BCAT1: variants seen among roughly 807,000 people sequenced by gnomAD.
BCAT1 encodes branched chain amino acid transaminase 1.
BCAT1 carries 48 observed loss-of-function variants against 52.4 expected under a neutral mutation model. The observed-to-expected ratio is 0.92, with a 90% CI of 0.73 to 1.16. The LOEUF is 1.16. Ranked by LOEUF, BCAT1 falls within the 50% of genes most tolerant of loss-of-function variation. The pLI is 0.00. For synonymous variants in BCAT1, 167 were observed against 161.3 expected, an observed-to-expected ratio of 1.04 and a Z score of -0.27; for missense variants, 451 against 457.1, an observed-to-expected ratio of 0.99 and a Z score of 0.12.
At chr12:24,920,174 C>T (rs2139719758) in intron 1 of BCAT1, among the ~76,000 whole-genome samples, 1 of 152,220 alleles carries the variant, frequency 6.6e-6, no homozygotes, top group East Asian at 1.9e-4. Context: ...ATTTCAGCAT[C>T]CAGGAAGATC....
chr12:24,826,923 T>C (rs1940425563), intron 10 of BCAT1, among the ~76,000 whole-genome samples: 1 of 152,218 alleles, frequency 6.6e-6, no homozygotes, highest in Non-Finnish European at 1.5e-5. Flanking sequence ...GCTTTCTTGA[T>C]TTCTTTTTCA....
intron 1 of BCAT1, among the ~76,000 whole-genome samples, chr12:24,947,933 C>A (rs1943958093): frequency 6.6e-6 from 1 of 152,200 alleles, no homozygotes; most frequent in Non-Finnish European, 1.5e-5. Flanking sequence ...CACTCGGTTA[C>A]TGTTTAATTG....
intron 1 of BCAT1, among the ~76,000 whole-genome samples, chr12:24,932,672 T>TGC (rs1565504312): frequency 6.6e-6 from 1 of 152,252 alleles, no homozygotes; most frequent in Non-Finnish European, 1.5e-5. Flanking sequence ...TGTCTCCTTC[T>TGC]ATCGCACAGG....
chr12:24,848,573 G>A (rs1236128315), intron 6 of BCAT1, among the ~76,000 whole-genome samples: 2 of 152,090 alleles, frequency 1.3e-5, no homozygotes, highest in African/African-American at 4.8e-5. Context: ...TTTAAACAGG[G>A]AAACTTTTTC....
chr12:24,825,721 G>A (rs1940367148), intron 10 of BCAT1, among the ~76,000 whole-genome samples: 1 of 151,912 alleles, frequency 6.6e-6, no homozygotes, highest in African/African-American at 2.4e-5. Flanking sequence ...TTCCTATACA[G>A]TTGTTTGAGC....
chr12:24,933,009 A>G (rs1281853764), intron 1 of BCAT1, among the ~76,000 whole-genome samples: 1 of 145,804 alleles, frequency 6.9e-6, no homozygotes, highest in Non-Finnish European at 1.5e-5. Flanking sequence ...ACGGGGATTC[A>G]CCATATTGGC....
At chr12:24,920,852 G>C (rs575380387) in intron 1 of BCAT1, among the ~76,000 whole-genome samples, 23 of 152,294 alleles carry the variant, frequency 1.5e-4, no homozygotes, top group South Asian at 1.0e-3. Context: ...TTGCTAGCGT[G>C]GTTCACAGAA....
At chr12:24,826,472 T>G (rs1940403919) in intron 10 of BCAT1, among the ~76,000 whole-genome samples, 1 of 152,204 alleles carries the variant, frequency 6.6e-6, no homozygotes, top group Non-Finnish European at 1.5e-5. Context: ...ATCTGGGTTC[T>G]CTATTCTGTC....
At chr12:24,936,420 A>T (rs538935724) in intron 1 of BCAT1, among the ~76,000 whole-genome samples, 6 of 152,266 alleles carry the variant, frequency 3.9e-5, no homozygotes, top group African/African-American at 1.4e-4. Context: ...TTTAGTACAT[A>T]CAGGGTTTCA....
At chr12:24,928,950 G>A (rs956386343) in intron 1 of BCAT1, among the ~76,000 whole-genome samples, 5 of 151,868 alleles carry the variant, frequency 3.3e-5, no homozygotes, top group African/African-American at 1.2e-4. Flanking sequence ...TAGTAGAGAA[G>A]GGGTTTCCCC....
In BCAT1 at chr12:24,812,340, C is replaced by G. The variant is rs1458748242; in HGVS notation, c.*5668G>C. On this transcript the variant is annotated 3_prime_UTR_variant, in exon 11 of 11. Coordinates refer to ENST00000261192, the MANE Select transcript of BCAT1 (RefSeq NM_005504.7). Reference sequence around the variant, plus strand: ...AAGGGAAAAAAGTCACAATCTACTTCTTGTCTAAACTTATTATTTTATTTG... The same window carrying G: ...AAGGGAAAAAAGTCACAATCTACTTGTTGTCTAAACTTATTATTTTATTTG... 1 of 151,984 alleles carries G rather than the reference C, an allele frequency of 6.6e-6. No individual in the cohort carries two copies. The highest frequency in any genetic ancestry group is 1.5e-5 in the Non-Finnish European group (1 of 67,926). The allele number at this position is 151,984 out of a possible 1,614,324, so 9.4% of individuals were successfully genotyped here. A position where few individuals can be genotyped will look rare whatever the true frequency, so the allele number is the denominator to read the frequency against.
intron 6 of BCAT1, among the ~76,000 whole-genome samples, chr12:24,845,943 A>C (rs1441120534): frequency 6.6e-6 from 1 of 152,228 alleles, no homozygotes; most frequent in African/African-American, 2.4e-5. Flanking sequence ...ATTCGTAGAC[A>C]CAACTACGAA....
At chr12:24,944,079 G>A (rs1373778778) in intron 1 of BCAT1, among the ~76,000 whole-genome samples, 1 of 152,082 alleles carries the variant, frequency 6.6e-6, no homozygotes, top group African/African-American at 2.4e-5. Flanking sequence ...AAACCTGCAT[G>A]TGTTTCTTCT....
At chr12:24,933,691 A>C (rs931259642) in intron 1 of BCAT1, among the ~76,000 whole-genome samples, 2 of 152,040 alleles carry the variant, frequency 1.3e-5, no homozygotes, top group African/African-American at 4.8e-5. Context: ...TGCCGGGAAA[A>C]TTCAGAACAG....
In BCAT1 at chr12:24,817,965, C is replaced by G. The variant is rs1479043033; in HGVS notation, c.*43G>C. On this transcript the variant is annotated 3_prime_UTR_variant, in exon 11 of 11. Coordinates refer to ENST00000261192, the MANE Select transcript of BCAT1 (RefSeq NM_005504.7). ...TGCAACAGTCTGTCCCAGTAGCATA[C>G]AGTTGGTATCCTCTATTTTCCATTG... 1.3e-6 allele frequency: 2 copies of G among 1,593,140 alleles called. No individual in the cohort carries two copies. The highest frequency in any genetic ancestry group is 1.7e-6 in the Non-Finnish European group (2 of 1,161,984).
At chr12:24,846,538 GAATA>G (rs1941349899) in intron 6 of BCAT1, among the ~76,000 whole-genome samples, 2 of 152,182 alleles carry the variant, frequency 1.3e-5, no homozygotes, top group African/African-American at 2.4e-5. Context: ...CCCTCCAAAA[GAATA>G]AATTCTATTA....
At chr12:24,900,876 A>G (rs1310462266) in intron 2 of BCAT1, among the ~76,000 whole-genome samples, 3 of 152,182 alleles carry the variant, frequency 2.0e-5, no homozygotes, top group Non-Finnish European at 4.4e-5. Context: ...GATTGCAGTG[A>G]GCTGAGATCG....
intron 10 of BCAT1, among the ~76,000 whole-genome samples, chr12:24,824,311 C>T (rs77652586): frequency 0.02 from 2,853 of 145,438 alleles, 98 homozygotes; most frequent in African/African-American, 0.067. Flanking sequence ...TCCTTCCTTT[C>T]GAGACAGGGT....
At chr12:24,884,031 G>T (rs1942584661) in intron 3 of BCAT1, among the ~76,000 whole-genome samples, 1 of 152,112 alleles carries the variant, frequency 6.6e-6, no homozygotes, top group Non-Finnish European at 1.5e-5. Flanking sequence ...ATTGAAATCA[G>T]CATGAGGTAT....
Sources: gnomAD v4.1 joint callset for allele counts (sites outside exome capture counted in the v4.1 genomes callset) on GRCh38, gnomAD v4.1.1 for gene constraint, MANE v1.5 for transcripts, NCBI Gene and HGNC (gene_info 2026-07-23, HGNC 2026-07-21) for gene names.